Variants in RILP observed in about 807,000 individuals in gnomAD.
The protein encoded by RILP is Rab interacting lysosomal protein.
RILP carries 53 observed loss-of-function variants against 40.0 expected under a neutral mutation model. The ratio of observed to expected loss-of-function variants is 1.32; its 90% confidence interval spans 1.06 to 1.66. RILP has a LOEUF of 1.66. RILP is among the 40% of genes most tolerant of loss of function. RILP has a pLI of 0.00. For synonymous variants in RILP, 272 were observed against 250.6 expected, an observed-to-expected ratio of 1.09 and a Z score of -0.80; for missense variants, 626 against 551.7, an observed-to-expected ratio of 1.13 and a Z score of -1.35.
intron 6 of RILP, 76 bp downstream of exon 6, chr17:1,647,759 G>A (rs1268505128): frequency 1.9e-6 from 3 of 1,583,094 alleles, no homozygotes; most frequent in Admixed American, 3.3e-5. Flanking sequence ...CTCAGAGGGT[G>A]ACCAGGCTGG....
At position 1,648,711 on chromosome 17, in the gene RILP, C is replaced by T; in HGVS notation, c.675+88G>A. On this transcript the variant is annotated intron_variant, in intron 4 of 7. Coordinates refer to ENST00000301336, the MANE Select transcript of RILP (RefSeq NM_031430.3). This position sits in a 1 kb window ranked among gnomAD's most constrained non-coding sequence, Gnocchi z 4.9. ...ACCTCCCCGCTTCCTGGCCGACCTG[C>T]TGTGCAGCATGCAAACCTTGCTTGA... 1.4e-6 allele frequency: 2 copies of T among 1,434,698 alleles called. No homozygotes were observed. The highest frequency in any genetic ancestry group is 1.8e-6 in the Non-Finnish European group (2 of 1,096,852). 88.9% of individuals were successfully genotyped at this position (1,434,698 alleles called of 1,614,324 possible). A position where few individuals can be genotyped will look rare whatever the true frequency, so the allele number is the denominator to read the frequency against.
At position 1,648,382 on chromosome 17, in the gene RILP, G is replaced by T. The variant is rs759919118; in HGVS notation, c.789C>A (p.Phe263Leu). 4.3e-6 allele frequency: 7 copies of T among 1,613,990 alleles called. No individual in the cohort carries two copies. ...QERNELKAKV[F>L]LLKEELAYFQ... is the part of the protein sequence containing the mutation. The stretch of plus-strand genomic sequence containing the variant: ...AGTAGGCCAGTTCCTCCTTGAGCAG[G>T]AACACTTTGGCTTTGAGTTCATTCC... Residue 263 changes from phenylalanine (F) to leucine (L), a missense_variant, in exon 5 of 8, where the codon TTC becomes TTA. Physicochemically the swap from Phe to Leu is conservative, Grantham distance 22. Coordinates refer to ENST00000301336, the MANE Select transcript of RILP (RefSeq NM_031430.3). The surrounding 1 kb of genome is among the most constrained non-coding windows in gnomAD (Gnocchi z 4.9).
Position 1,649,733 on chromosome 17 carries a change from G to A in RILP, c.72C>T (p.Ala24=), listed in dbSNP as rs1910870629. The change falls in exon 1 of 8, where the codon GCC becomes GCT. Residue 24 remains alanine, a synonymous_variant. Transcript: ENST00000301336. The surrounding 1 kb of genome is among the most constrained non-coding windows in gnomAD (Gnocchi z 4.3). ...GSREAAGSAS[A]AELVYHLAGA... ...CGGCTAGATGGTACACAAGCTCCGC[G>A]GCCGATGCCGACCCCGCGGCCTCCC... 3 of 1,590,410 alleles carry A rather than the reference G, an allele frequency of 1.9e-6. No individual in the cohort carries two copies. The highest frequency in any genetic ancestry group is 2.6e-6 in the Non-Finnish European group (3 of 1,175,870).
Position 1,649,068 on chromosome 17 carries a change from G to T in RILP, c.430-24C>A. ...AACTGGGAGCGGAGCAAAGGGTGGGGTGGGCGGGGCACCGAGGGCCCCCCG... is the reference window on the plus strand; with the variant it reads ...AACTGGGAGCGGAGCAAAGGGTGGGTTGGGCGGGGCACCGAGGGCCCCCCG... On this transcript the variant is annotated intron_variant, in intron 3 of 7. Coordinates refer to ENST00000301336, the MANE Select transcript of RILP (RefSeq NM_031430.3). The surrounding 1 kb of genome is among the most constrained non-coding windows in gnomAD (Gnocchi z 4.3). 8.7e-7 allele frequency: 1 copy of T among 1,145,054 alleles called. No homozygotes were observed. Among genetic ancestry groups the T allele is most frequent in the Non-Finnish European group, 1.1e-6 (1 of 895,002 alleles). The allele number at this position is 1,145,054 out of a possible 1,614,324, so 70.9% of individuals were successfully genotyped here. A position where few individuals can be genotyped will look rare whatever the true frequency, so the allele number is the denominator to read the frequency against.
chr17:1,649,329 G>A lies in RILP; in HGVS notation c.323-23C>T. The A allele has an allele frequency of 6.7e-7, 1 of 1,489,832 alleles. No homozygotes were observed. The highest frequency in any genetic ancestry group is 8.9e-7 in the Non-Finnish European group (1 of 1,126,326). The allele number at this position is 1,489,832 out of a possible 1,614,324, so 92.3% of individuals were successfully genotyped here. A position where few individuals can be genotyped will look rare whatever the true frequency, so the allele number is the denominator to read the frequency against. Reference sequence around the variant, plus strand: ...CCTCTGAGGAAGGGGCGTTCTTAGCGGCGGCGGCGCGCGGCCCGCGGGAGG... The same window carrying A: ...CCTCTGAGGAAGGGGCGTTCTTAGCAGCGGCGGCGCGCGGCCCGCGGGAGG... On this transcript the variant is annotated intron_variant, in intron 2 of 7. Transcript: ENST00000301336. The surrounding 1 kb of genome is among the most constrained non-coding windows in gnomAD (Gnocchi z 4.3).
At position 1,646,851 on chromosome 17, in the gene RILP, G is replaced by A. The variant is rs1305053153; in HGVS notation, c.1028+55C>T. 18 of 1,360,906 alleles carry A rather than the reference G, an allele frequency of 1.3e-5. No individual in the cohort carries two copies. Among genetic ancestry groups the A allele is most frequent in the African/African-American group, 4.3e-5 (3 of 69,406 alleles). The allele number at this position is 1,360,906 out of a possible 1,614,324, so 84.3% of individuals were successfully genotyped here. On this transcript the variant is annotated intron_variant, in intron 7 of 7. Transcript: ENST00000301336. The surrounding 1 kb of genome is among the most constrained non-coding windows in gnomAD (Gnocchi z 4.3). ...GGAAAGGGGATCCTGAGAAGGACCA[G>A]CCAGGGCCCTTCCTCCCTCCCCACA...
chr17:1,648,473 C>G lies in RILP; in HGVS notation c.698G>C (p.Gly233Ala), dbSNP rs149225618. 2.5e-6 allele frequency: 4 copies of G among 1,613,506 alleles called. No homozygotes were observed. In the African/African-American group the frequency reaches 5.3e-5, roughly 22 times the overall value. Residue 233 changes from glycine to alanine, a missense_variant, in exon 5 of 8, where the codon GGG (glycine) becomes GCG (alanine). Coordinates refer to ENST00000301336, the MANE Select transcript of RILP (RefSeq NM_031430.3). This position sits in a 1 kb window ranked among gnomAD's most constrained non-coding sequence, Gnocchi z 4.9. ...EDPAEAAQQL[G>A]RPSEAGQCRF... ...GCACTGCCCTGCCTCCGAGGGGCGCCCGAGCTGCTGCGCGGCCTCCGCCTT... is the reference window on the plus strand; with the variant it reads ...GCACTGCCCTGCCTCCGAGGGGCGCGCGAGCTGCTGCGCGGCCTCCGCCTT...
Position 1,648,626 on chromosome 17 carries a change from G to C in RILP, c.676-131C>G, listed in dbSNP as rs1910751622. 7.0e-7 allele frequency: 1 copy of C among 1,421,816 alleles called. No homozygotes were observed. Among genetic ancestry groups the C allele is most frequent in the Non-Finnish European group, 9.3e-7 (1 of 1,077,286 alleles). 88.1% of individuals were successfully genotyped at this position (1,421,816 alleles called of 1,614,324 possible). The stretch of plus-strand genomic sequence containing the variant: ...GACAAGGGTGCCCTAACAGATAACA[G>C]AGCAGTGCTCCAGCTGAGAGCGGGG... On this transcript the variant is annotated intron_variant, in intron 4 of 7. Transcript: ENST00000301336. This position sits in a 1 kb window ranked among gnomAD's most constrained non-coding sequence, Gnocchi z 4.9.
rs1910786298 is a variant in RILP at position 1,649,021 on chromosome 17, G to A, written c.453C>T (p.Leu151=). 1.4e-6 allele frequency: 2 copies of A among 1,419,270 alleles called. No homozygotes were observed. Among genetic ancestry groups the A allele is most frequent in the African/African-American group, 1.5e-5 (1 of 66,774 alleles). The allele number at this position is 1,419,270 out of a possible 1,614,324, so 87.9% of individuals were successfully genotyped here. The change falls in exon 4 of 8, where the codon CTC becomes CTT. Residue 151 remains leucine (L), a synonymous_variant. Transcript: ENST00000301336. This position sits in a 1 kb window ranked among gnomAD's most constrained non-coding sequence, Gnocchi z 4.3. ...TEALQEQLQR[L]LLVNAELRHK... is the part of the protein sequence containing the mutation. Reference sequence around the variant, plus strand: ...GCCGCAGCTCAGCGTTCACCAGCAGGAGGCGCTGCAGCTGCTCCTGCAACT... The same window carrying A: ...GCCGCAGCTCAGCGTTCACCAGCAGAAGGCGCTGCAGCTGCTCCTGCAACT...
In RILP at chr17:1,648,169, G is replaced by C. The variant is rs1910722813; in HGVS notation, c.821+181C>G. On this transcript the variant is annotated intron_variant, in intron 5 of 7. Coordinates refer to ENST00000301336, the MANE Select transcript of RILP (RefSeq NM_031430.3). This position sits in a 1 kb window ranked among gnomAD's most constrained non-coding sequence, Gnocchi z 4.9. ...TAGGAGAGATTCCCTGGCTGCTGCAGCTGCAACCCTTTGTACTGTCCCTCT... is the reference window on the plus strand; with the variant it reads ...TAGGAGAGATTCCCTGGCTGCTGCACCTGCAACCCTTTGTACTGTCCCTCT... Among the ~76,000 whole-genome samples, 1 of 152,236 alleles carries C rather than the reference G, an allele frequency of 6.6e-6. No individual in the cohort carries two copies. The highest frequency in any genetic ancestry group is 2.4e-5 in the African/African-American group (1 of 41,464).
In RILP at chr17:1,648,802, G is replaced by C. The variant is rs1465447218; in HGVS notation, c.672C>G (p.Asp224Glu). ...CTTGCCCTCATACGGCACTCACCGG[G>C]TCCTCAGGGTTCCCTGGGGCGCCTG... is the stretch of plus-strand genomic sequence containing the variant. ...AGAGAPGNPEDPAEAAQQLGR... is the reference protein window; with the variant it reads ...AGAGAPGNPEEPAEAAQQLGR... Residue 224 changes from aspartate (D) to glutamate (E), a missense_variant, in exon 4 of 8, where the codon GAC becomes GAG. Transcript: ENST00000301336. The surrounding 1 kb of genome is among the most constrained non-coding windows in gnomAD (Gnocchi z 4.9). 1 of 1,514,314 alleles carries C rather than the reference G, an allele frequency of 6.6e-7. No homozygotes were observed. The allele number at this position is 1,514,314 out of a possible 1,614,324, so 93.8% of individuals were successfully genotyped here.
Position 1,646,746 on chromosome 17 carries a change from T to G in RILP, c.1029-127A>C. On this transcript the variant is annotated intron_variant, in intron 7 of 7. Transcript: ENST00000301336. This position sits in a 1 kb window ranked among gnomAD's most constrained non-coding sequence, Gnocchi z 4.3. The stretch of plus-strand genomic sequence containing the variant: ...AGGGCAGCCTGAGGGAGTGTGAAGG[T>G]GATGGGGGCCAGGGCCAGAGAAGCA... 9.0e-7 allele frequency: 1 copy of G among 1,116,924 alleles called. No individual in the cohort carries two copies. The highest frequency in any genetic ancestry group is 2.5e-5 in the East Asian group (1 of 40,172). The allele number at this position is 1,116,924 out of a possible 1,614,324, so 69.2% of individuals were successfully genotyped here. A position where few individuals can be genotyped will look rare whatever the true frequency, so the allele number is the denominator to read the frequency against.
In RILP at chr17:1,646,825, G is replaced by A. The variant is rs1052463022; in HGVS notation, c.1028+81C>T. ...ACAGCAGGGTGACGGGCAGAGAAGC[G>A]GGAAAGGGGATCCTGAGAAGGACCA... On this transcript the variant is annotated intron_variant, in intron 7 of 7. Coordinates refer to ENST00000301336, the MANE Select transcript of RILP (RefSeq NM_031430.3). This position sits in a 1 kb window ranked among gnomAD's most constrained non-coding sequence, Gnocchi z 4.3. 47 of 1,159,288 alleles carry A rather than the reference G, an allele frequency of 4.1e-5. No individual in the cohort carries two copies. Among genetic ancestry groups the A allele is most frequent in the African/African-American group, 6.2e-5 (4 of 64,632 alleles). The allele number at this position is 1,159,288 out of a possible 1,614,324, so 71.8% of individuals were successfully genotyped here.
Position 1,648,060 on chromosome 17 carries a change from A to G in RILP, c.822-103T>C, listed in dbSNP as rs917938606. The G allele has an allele frequency of 1.8e-4, 263 of 1,463,740 alleles. No homozygotes were observed. The highest frequency in any genetic ancestry group is 2.3e-4 in the Non-Finnish European group (251 of 1,073,338). The allele number at this position is 1,463,740 out of a possible 1,614,324, so 90.7% of individuals were successfully genotyped here. ...CAGTCCTCACTCCTGGTACCTGTGC[A>G]CGCAGCTCTTCCCTGAACACGGGAA... is the stretch of plus-strand genomic sequence containing the variant. On this transcript the variant is annotated intron_variant, in intron 5 of 7. Coordinates refer to ENST00000301336, the MANE Select transcript of RILP (RefSeq NM_031430.3). The surrounding 1 kb of genome is among the most constrained non-coding windows in gnomAD (Gnocchi z 4.9).
intron 6 of RILP, 72 bp from the exon 7 acceptor site, chr17:1,647,061 G>A (rs1910638386): frequency 2.9e-6 from 3 of 1,020,866 alleles, no homozygotes; most frequent in South Asian, 3.7e-5. Context: ...ATCCAGCAGG[G>A]GGGATGGAGG....
rs544440283 is a variant in RILP, at chr17:1,647,392, A to G, written c.945-403T>C. Among the ~76,000 whole-genome samples the G allele has an allele frequency of 9.2e-5, 14 of 152,206 alleles. No homozygotes were observed. The South Asian group carries it at 2.5e-3, about 27-fold the overall frequency. On this transcript the variant is annotated intron_variant, in intron 6 of 7. Transcript: ENST00000301336. ...TGACCTCAGGTGATCTACCCACCTT[A>G]GCCTCTCAAAGTGCTGGGATTACAG...
At position 1,646,908 on chromosome 17, in the gene RILP, A is replaced by T. The variant is rs762662320; in HGVS notation, c.1026T>A (p.Ser342Arg). ...HPPPPESKIQ[S>R]FFGLWYRGKA... ...CCTTTCCCCTTTCCCCAACATACAA[A>T]CTCTGTATTTTGGACTCCGGGGGTG... The change falls in exon 7 of 8, where the codon AGT becomes AGA. Residue 342 changes from serine (S) to arginine (R), a missense_variant and splice_region_variant. Transcript: ENST00000301336. This position sits in a 1 kb window ranked among gnomAD's most constrained non-coding sequence, Gnocchi z 4.3. The T allele has an allele frequency of 5.0e-6, 8 of 1,586,014 alleles. No homozygotes were observed. The highest frequency in any genetic ancestry group is 6.9e-6 in the Non-Finnish European group (8 of 1,165,724).
rs145398789 is a variant in RILP, at chr17:1,648,468, G to C, written c.703C>G (p.Pro235Ala). 73 of 1,613,728 alleles carry C rather than the reference G, an allele frequency of 4.5e-5. No individual in the cohort carries two copies. The African/African-American group carries it at 4.5e-4, about 10-fold the overall frequency. The part of the protein sequence containing the change: ...PAEAAQQLGR[P>A]SEAGQCRFSR... ...AAGCGGCACTGCCCTGCCTCCGAGG[G>C]GCGCCCGAGCTGCTGCGCGGCCTCC... The change falls in exon 5 of 8, where the codon CCC becomes GCC. Residue 235 changes from proline to alanine, a missense_variant. Coordinates refer to ENST00000301336, the MANE Select transcript of RILP (RefSeq NM_031430.3). The surrounding 1 kb of genome is among the most constrained non-coding windows in gnomAD (Gnocchi z 4.9).
chr17:1,648,081 G>A lies in RILP; in HGVS notation c.822-124C>T, dbSNP rs1910719260. On this transcript the variant is annotated intron_variant, in intron 5 of 7. Coordinates refer to ENST00000301336, the MANE Select transcript of RILP (RefSeq NM_031430.3). This position sits in a 1 kb window ranked among gnomAD's most constrained non-coding sequence, Gnocchi z 4.9. The stretch of plus-strand genomic sequence containing the variant: ...GTGCACGCAGCTCTTCCCTGAACAC[G>A]GGAAGCGCTCTGCCTTGCTGACACC... 5 of 1,354,830 alleles carry A rather than the reference G, an allele frequency of 3.7e-6. No homozygotes were observed. The highest frequency in any genetic ancestry group is 4.9e-5 in the East Asian group (2 of 40,902). 83.9% of individuals were successfully genotyped at this position (1,354,830 alleles called of 1,614,324 possible). A position where few individuals can be genotyped will look rare whatever the true frequency, so the allele number is the denominator to read the frequency against.
Sources: gnomAD v4.1 joint callset for allele counts (sites outside exome capture counted in the v4.1 genomes callset) on GRCh38, gnomAD v4.1.1 for gene constraint, Gnocchi (gnomAD v3.1) non-coding constraint, MANE v1.5 for transcripts, NCBI Gene and HGNC (gene_info 2026-07-23, HGNC 2026-07-21) for gene names.